The following AFTPH variants were observed in gnomAD, a reference collection of about 807,000 sequenced individuals.
AFTPH encodes aftiphilin protein.
AFTPH carries 7 observed loss-of-function variants against 72.5 expected under a neutral mutation model. The ratio of observed to expected loss-of-function variants is 0.10; its 90% CI spans 0.05 to 0.18. The LOEUF is 0.18. Ranked by LOEUF, AFTPH falls within the 10% of genes least tolerant of loss-of-function variation. AFTPH has a pLI of 1.00. For synonymous variants in AFTPH, 337 were observed against 370.1 expected (o/e 0.91, Z 1.03); for missense variants, 979 against 1,060.5 (o/e 0.92, Z 1.07).
intron 2 of AFTPH, among the ~76,000 whole-genome samples, chr2:64,556,833 A>T (rs140683603): frequency 6.6e-6 from 1 of 152,226 alleles, no homozygotes; most frequent in Non-Finnish European, 1.5e-5. Context: ...TATGAACATT[A>T]TTGAGAAATA....
At chr2:64,585,369 A>C in intron 7 of AFTPH, 53 bp from the exon 9 acceptor site, 1 of 1,605,868 alleles carries the variant, frequency 6.2e-7, no homozygotes, top group Non-Finnish European at 8.5e-7. Context: ...ATTGTGGCTA[A>C]CTGGGTAACC....
At chr2:64,581,693 A>C (rs556112382) in intron 7 of AFTPH, among the ~76,000 whole-genome samples, 2 of 152,204 alleles carry the variant, frequency 1.3e-5, no homozygotes, top group Non-Finnish European at 2.9e-5. Context: ...AGTGCCTGTA[A>C]TAATATAACC....
intron 2 of AFTPH, among the ~76,000 whole-genome samples, chr2:64,556,845 A>G (rs1347420386): frequency 6.6e-6 from 1 of 152,220 alleles, no homozygotes; most frequent in Non-Finnish European, 1.5e-5. Flanking sequence ...TGAGAAATAG[A>G]TATCTTGTCC....
intron 1 of AFTPH, among the ~76,000 whole-genome samples, chr2:64,529,385 C>T (rs1669468867): frequency 6.6e-6 from 1 of 151,254 alleles, no homozygotes; most frequent in Non-Finnish European, 1.5e-5. Flanking sequence ...TTGGTAGCCA[C>T]ATTTTACTTC....
At chr2:64,577,433 G>A (rs143966645) in intron 6 of AFTPH, among the ~76,000 whole-genome samples, 2 of 152,236 alleles carry the variant, frequency 1.3e-5, no homozygotes, top group East Asian at 3.9e-4. Context: ...CCCTGTTTGA[G>A]CAGCTCAGAT....
Position 64,561,589 on chromosome 2 carries a change from G to A in AFTPH, c.1936-5973G>A, listed in dbSNP as rs1572996096. On this transcript the variant is annotated intron_variant, in intron 2 of 8. Coordinates refer to ENST00000238856, the Ensembl canonical transcript of AFTPH. ...CCTAGCTACCCAGGAGGTTGTGACA[G>A]GATCACTCGAGCCCAGAAGTTCAAG... 2.6e-5 allele frequency among the ~76,000 whole-genome samples: 4 copies of A among 152,278 alleles called. 1 individual carries two copies. The highest frequency in any genetic ancestry group is 2.6e-4 in the Admixed American group (4 of 15,296).
In AFTPH at chr2:64,558,147, C is replaced by T. The variant is rs565944324; in HGVS notation, c.1935+4738C>T. The stretch of plus-strand genomic sequence containing the variant: ...TCTAAACTTCTACTTGAGTGTGAAA[C>T]CTAATGTTATCAATATTAAAACTAT... On this transcript the variant is annotated intron_variant, in intron 2 of 8. Transcript: ENST00000238856. 1.1e-3 allele frequency among the ~76,000 whole-genome samples: 160 copies of T among 152,214 alleles called. 2 individuals carry two copies. The highest frequency in any genetic ancestry group is 2.7e-3 in the Admixed American group (42 of 15,288).
intron 7 of AFTPH, among the ~76,000 whole-genome samples, chr2:64,581,696 A>G (rs1351744433): frequency 1.3e-5 from 2 of 152,218 alleles, no homozygotes; most frequent in Non-Finnish European, 2.9e-5. Context: ...GCCTGTAATA[A>G]TATAACCTTT....
At chr2:64,545,154 C>G (rs1194560062) in intron 1 of AFTPH, among the ~76,000 whole-genome samples, 1 of 151,752 alleles carries the variant, frequency 6.6e-6, no homozygotes, top group Non-Finnish European at 1.5e-5. Flanking sequence ...AGGTTAATCA[C>G]AGATTAGGCT....
intron 2 of AFTPH, 152 bp from the exon 3 acceptor site, chr2:64,567,410 T>A: frequency 1.5e-6 from 1 of 659,520 alleles, no homozygotes; most frequent in Non-Finnish European, 2.4e-6. Context: ...GTTTCATGAG[T>A]AGTTGTGTTC....
At chr2:64,573,948 C>A (rs532655497) in intron 6 of AFTPH, among the ~76,000 whole-genome samples, 2 of 152,176 alleles carry the variant, frequency 1.3e-5, no homozygotes, top group African/African-American at 4.8e-5. Flanking sequence ...AGCCATCACA[C>A]GCAGCCAGAA....
chr2:64,576,978 C>G (rs988887763), intron 6 of AFTPH, among the ~76,000 whole-genome samples: 2 of 152,146 alleles, frequency 1.3e-5, no homozygotes, highest in Non-Finnish European at 2.9e-5. Context: ...AGGCTGGTCT[C>G]AAACTCCTGA....
exon 9 of AFTPH, chr2:64,591,923 C>G (rs1673850596): frequency 5.6e-6 from 9 of 1,613,878 alleles, no homozygotes; most frequent in Non-Finnish European, 7.6e-6. Flanking sequence ...AGTGAAGAAG[C>G]TATCAAGGTG....
At chr2:64,587,695 G>A (rs1012666561) in intron 8 of AFTPH, among the ~76,000 whole-genome samples, 1 of 152,202 alleles carries the variant, frequency 6.6e-6, no homozygotes, top group African/African-American at 2.4e-5. Context: ...TTTACTAAGT[G>A]CCTTTGAGTG....
At chr2:64,569,107 G>A (rs753821744) in exon 4 of AFTPH, 54 of 1,613,984 alleles carry the variant, frequency 3.3e-5, no homozygotes, top group African/African-American at 4.0e-5. Context: ...TGCTAGATGT[G>A]TGGACTGAGC....
intron 5 of AFTPH, among the ~76,000 whole-genome samples, chr2:64,571,651 T>C (rs1441903293): frequency 6.6e-6 from 1 of 152,232 alleles, no homozygotes; most frequent in African/African-American, 2.4e-5. Flanking sequence ...ATTTTAGAAA[T>C]TTACAGATTC....
chr2:64,578,813 T>G (rs1390484370), intron 6 of AFTPH: 3 of 152,512 alleles, frequency 2.0e-5, no homozygotes, highest in Admixed American at 6.5e-5. Context: ...CCACCTCGGA[T>G]CCCAAAGTGC....
intron 7 of AFTPH, among the ~76,000 whole-genome samples, chr2:64,582,910 C>T (rs139565366): frequency 4.6e-5 from 7 of 152,146 alleles, no homozygotes; most frequent in Non-Finnish European, 5.9e-5. Context: ...TACACAGCTG[C>T]GAGAAGAGCA....
chr2:64,538,428 T>C (rs928430140), intron 1 of AFTPH, among the ~76,000 whole-genome samples: 10 of 152,198 alleles, frequency 6.6e-5, no homozygotes, highest in Admixed American at 6.5e-4. Context: ...GGTAGACCCA[T>C]TTGTGGCATT....
Sources: allele counts gnomAD v4.1 joint callset (sites outside exome capture counted in the v4.1 genomes callset), GRCh38; gene constraint gnomAD v4.1.1; transcripts MANE v1.5; gene names NCBI Gene and HGNC (gene_info 2026-07-23, HGNC 2026-07-21).